NTRK1: variants seen among roughly 807,000 people sequenced by gnomAD.
The protein encoded by NTRK1 is high affinity nerve growth factor receptor.
Under a neutral mutation model 86.8 loss-of-function variants are expected in NTRK1, and 62 were observed. That is an observed-to-expected ratio of 0.71 (90% CI 0.58 to 0.88). NTRK1 has a LOEUF of 0.88. Among genes scored for constraint, NTRK1 ranks in the 40% least tolerant of loss-of-function variants. The probability of loss-of-function intolerance (pLI) is 0.00; values close to 1 mark genes in which losing one functional copy is unlikely to be tolerated. For missense variants in NTRK1, 967 were observed against 1,078.4 expected (o/e 0.90, Z 1.45); for synonymous variants, 469 against 456.6 (o/e 1.03, Z -0.35).
chr1:156,864,121 A>T (rs74118782), intron 1 of NTRK1, among the ~76,000 whole-genome samples: 1 of 151,938 alleles, frequency 6.6e-6, no homozygotes, highest in African/African-American at 2.4e-5. Context: ...ATCCATATGT[A>T]TGTGCGCTTG....
chr1:156,876,254 C>T (rs1336950596), intron 13 of NTRK1, 44 bp downstream of exon 13: 1 of 1,612,902 alleles, frequency 6.2e-7, no homozygotes, highest in Non-Finnish European at 8.5e-7. Context: ...GGGTCCCACC[C>T]CCAGGAGCTC....
At chr1:156,878,248 CAG>C (rs1330395924) in intron 14 of NTRK1, among the ~76,000 whole-genome samples, 2 of 152,152 alleles carry the variant, frequency 1.3e-5, no homozygotes, top group Non-Finnish European at 2.9e-5. Flanking sequence ...AAGATGGAGA[CAG>C]ACACACAAAC....
intron 2 of NTRK1, among the ~76,000 whole-genome samples, chr1:156,848,158 G>C (rs751292778): frequency 3.9e-5 from 6 of 152,032 alleles, no homozygotes; most frequent in Non-Finnish European, 8.8e-5. Flanking sequence ...GGAGGGTCTC[G>C]GCCATTTGAG....
intron 1 of NTRK1, chr1:156,840,745 C>T: frequency 1.4e-6 from 1 of 730,172 alleles, no homozygotes. Flanking sequence ...TGCTCCTGTT[C>T]TCTGCCCCAC....
intron 2 of NTRK1, chr1:156,846,628 A>G (rs1474664680): frequency 2.5e-6 from 4 of 1,614,042 alleles, no homozygotes; most frequent in East Asian, 2.2e-5. Flanking sequence ...ACTGTGTCCA[A>G]GGCTTGAGGG....
intron 2 of NTRK1, among the ~76,000 whole-genome samples, chr1:156,849,845 G>T (rs190872934): frequency 4.8e-4 from 73 of 152,026 alleles, no homozygotes; most frequent in Admixed American, 2.2e-3. Context: ...GGACACTCTC[G>T]GTGTACATGC....
chr1:156,823,221 C>A (rs1654234554), intron 1 of NTRK1, among the ~76,000 whole-genome samples: 1 of 152,336 alleles, frequency 6.6e-6, no homozygotes, highest in African/African-American at 2.4e-5. Context: ...ATATCCAGAT[C>A]TGTGTATTCT....
intron 1 of NTRK1, among the ~76,000 whole-genome samples, chr1:156,839,697 G>A (rs527326231): frequency 1.4e-4 from 21 of 152,302 alleles, no homozygotes; most frequent in African/African-American, 4.8e-4. Flanking sequence ...CCCACTTAAA[G>A]TCTGTCCTAT....
intron 1 of NTRK1, among the ~76,000 whole-genome samples, chr1:156,817,195 G>C (rs1331521195): frequency 1.3e-5 from 2 of 152,138 alleles, no homozygotes; most frequent in East Asian, 3.9e-4. Flanking sequence ...GGTGCTTATG[G>C]ATCATGCTTT....
chr1:156,822,845 G>C (rs1654224729), intron 1 of NTRK1, among the ~76,000 whole-genome samples: 1 of 152,046 alleles, frequency 6.6e-6, no homozygotes. Flanking sequence ...GTCATCACTA[G>C]ACACATGAAA....
At chr1:156,820,512 G>A (rs1269086810) in intron 1 of NTRK1, among the ~76,000 whole-genome samples, 1 of 152,202 alleles carries the variant, frequency 6.6e-6, no homozygotes, top group African/African-American at 2.4e-5. Context: ...CTCCCAAAGT[G>A]CTGAGATTAC....
At chr1:156,861,455 G>A (rs373461346) in intron 1 of NTRK1, among the ~76,000 whole-genome samples, 172 of 152,358 alleles carry the variant, frequency 1.1e-3, no homozygotes, top group African/African-American at 4.0e-3. Context: ...GCTTTCTGGA[G>A]CTCAGCCAGA....
At chr1:156,874,267 C>T (rs565170907) in intron 8 of NTRK1, 116 bp from the exon 9 acceptor site, 1 of 1,494,724 alleles carries the variant, frequency 6.7e-7, no homozygotes, top group African/African-American at 1.4e-5. Context: ...CTCCATCCCC[C>T]CTCGTCCCAT....
intron 1 of NTRK1, chr1:156,840,484 C>T (rs1348208991): frequency 5.3e-6 from 1 of 188,376 alleles, no homozygotes; most frequent in South Asian, 1.1e-4. Context: ...CTTCTGATTG[C>T]TCATCTGATT....
intron 2 of NTRK1, chr1:156,849,412 C>T: frequency 1.2e-6 from 2 of 1,613,854 alleles, no homozygotes; most frequent in South Asian, 1.1e-5. Context: ...CCACCCAGGA[C>T]CCTAGCTGTT....
intron 15 of NTRK1, 67 bp from the exon 16 acceptor site, chr1:156,879,932 G>A: frequency 6.3e-7 from 1 of 1,586,330 alleles, no homozygotes; most frequent in Non-Finnish European, 8.6e-7. Context: ...ATGGGGCTGG[G>A]GTAGGCTGTG....
At chr1:156,848,124 A>G (rs1355992823) in intron 2 of NTRK1, among the ~76,000 whole-genome samples, 1 of 151,938 alleles carries the variant, frequency 6.6e-6, no homozygotes, top group Non-Finnish European at 1.5e-5. Flanking sequence ...CACGCTGGAG[A>G]CCTTCACCTA....
intron 10 of NTRK1, 93 bp downstream of exon 10, chr1:156,874,719 T>A (rs1487208393): frequency 1.4e-6 from 2 of 1,394,242 alleles, no homozygotes; most frequent in East Asian, 4.9e-5. Context: ...AGCAGGGAGA[T>A]CACTACCATC....
At chr1:156,852,902 C>G (rs1426949605) in intron 2 of NTRK1, among the ~76,000 whole-genome samples, 1 of 152,126 alleles carries the variant, frequency 6.6e-6, no homozygotes, top group Non-Finnish European at 1.5e-5. Context: ...TCCCGCCCGC[C>G]CTGCTGCTGA....
Sources: allele counts gnomAD v4.1 joint callset (sites outside exome capture counted in the v4.1 genomes callset), GRCh38; gene constraint gnomAD v4.1.1; transcripts MANE v1.5; gene names NCBI Gene and HGNC (gene_info 2026-07-23, HGNC 2026-07-21).